The following STAT3 variants were observed in gnomAD, a reference collection of about 807,000 sequenced individuals.
STAT3 encodes the protein DNA-binding protein APRF.
A neutral mutation model predicts 114.3 loss-of-function variants in STAT3; 7 were observed. The observed-to-expected ratio is 0.06, with a 90% CI of 0.03 to 0.11. The LOEUF is 0.11. STAT3 is among the 10% of genes least tolerant of loss of function. The pLI, the probability that STAT3 is intolerant of heterozygous loss-of-function variation, is 1.00. For synonymous variants in STAT3, 331 were observed against 354.5 expected (o/e 0.93, Z 0.74); for missense variants, 364 against 960.9 (o/e 0.38, Z 8.21).
At chr17:42,316,298 C>T (rs541998099) in intron 23 of STAT3, 31 of 345,162 alleles carry the variant, frequency 9.0e-5, no homozygotes, top group Middle Eastern at 2.0e-3. Flanking sequence ...TGCAGTGGCA[C>T]GATCTCTGCT....
intron 15 of STAT3, 165 bp from the exon 16 acceptor site, chr17:42,325,226 T>A (rs1051358166): frequency 7.8e-6 from 5 of 644,230 alleles, no homozygotes; most frequent in African/African-American, 7.3e-5. Context: ...CAGTGAGCAC[T>A]CATAGTGGAA....
chr17:42,323,754 G>C, intron 17 of STAT3, 129 bp from the exon 18 acceptor site: 1 of 873,174 alleles, frequency 1.1e-6, no homozygotes, highest in South Asian at 1.4e-5. Context: ...CATCTTTGAA[G>C]GTAGGCACTG....
At chr17:42,325,249 G>A (rs890931968) in intron 15 of STAT3, 188 bp from the exon 16 acceptor site, 6 of 595,382 alleles carry the variant, frequency 1.0e-5, no homozygotes, top group East Asian at 2.9e-5. Context: ...AATGCCCAGC[G>A]TGGCCACACA....
At chr17:42,360,213 AT>A (rs928900785) in intron 1 of STAT3, among the ~76,000 whole-genome samples, 1 of 151,662 alleles carries the variant, frequency 6.6e-6, no homozygotes, top group African/African-American at 2.4e-5. Flanking sequence ...TTTTTTTTAA[AT>A]TAGAGATGGC....
At chr17:42,316,286 A>G (rs1214564318) in intron 23 of STAT3, 5 of 340,246 alleles carry the variant, frequency 1.5e-5, no homozygotes, top group Non-Finnish European at 2.8e-5. Flanking sequence ...CCCAGGCTGG[A>G]GTGCAGTGGC....
chr17:42,345,809 TC>T (rs1358793076), intron 3 of STAT3, 152 bp from the exon 4 acceptor site: 31 of 776,702 alleles, frequency 4.0e-5, no homozygotes, highest in Non-Finnish European at 2.2e-6. Flanking sequence ...GTGAAGGCTC[TC>T]TGTCGGCGGG....
intron 1 of STAT3, among the ~76,000 whole-genome samples, chr17:42,364,476 G>T (rs1032868520): frequency 6.6e-6 from 1 of 152,152 alleles, no homozygotes; most frequent in African/African-American, 2.4e-5. Flanking sequence ...TTTGGCCAAA[G>T]CTCAAATAAA....
intron 1 of STAT3, among the ~76,000 whole-genome samples, chr17:42,375,143 AAGAGT>A (rs2084381345): frequency 6.6e-6 from 1 of 152,226 alleles, no homozygotes; most frequent in African/African-American, 2.4e-5. Flanking sequence ...GCATACCAAG[AAGAGT>A]AAACAGAATA....
In STAT3 at chr17:42,333,317, C is replaced by T. The variant is rs1429145643; in HGVS notation, c.1049+356G>A. ...ACCTGCCCTGGGGCCTCTCAGCTTC[C>T]CCATCACTAAGCCTTACTCTTTCCC... On this transcript the variant is annotated intron_variant, in intron 10 of 23. Transcript: ENST00000264657. The surrounding 1 kb of genome is among the most constrained non-coding windows in gnomAD (Gnocchi z 5.2). Among the ~76,000 whole-genome samples the T allele has an allele frequency of 6.6e-6, 1 of 152,064 alleles. No homozygotes were observed. The highest frequency in any genetic ancestry group is 1.5e-5 in the Non-Finnish European group (1 of 68,010).
At chr17:42,375,784 G>A (rs923066645) in intron 1 of STAT3, among the ~76,000 whole-genome samples, 11 of 146,844 alleles carry the variant, frequency 7.5e-5, no homozygotes, top group South Asian at 2.2e-4. Context: ...AGCCGAGATC[G>A]CGCCATTGCA....
chr17:42,316,764 C>T (rs2081267906), intron 23 of STAT3, 25 bp downstream of exon 23: 1 of 1,613,738 alleles, frequency 6.2e-7, no homozygotes, highest in Admixed American at 1.7e-5. Flanking sequence ...CTTATAGGGA[C>T]AAAGTCTGTC....
At chr17:42,369,797 T>C (rs1256582335) in intron 1 of STAT3, among the ~76,000 whole-genome samples, 1 of 152,094 alleles carries the variant, frequency 6.6e-6, no homozygotes, top group African/African-American at 2.4e-5. Flanking sequence ...TAGCTAGGAC[T>C]ACAGGTACAT....
chr17:42,354,151 A>G (rs1347673241), intron 1 of STAT3, among the ~76,000 whole-genome samples: 2 of 151,272 alleles, frequency 1.3e-5, no homozygotes, highest in African/African-American at 4.9e-5. Context: ...GAGGGCTAGT[A>G]AGTAGTACAA....
intron 2 of STAT3, among the ~76,000 whole-genome samples, chr17:42,347,553 A>C (rs975953277): frequency 6.6e-6 from 1 of 152,182 alleles, no homozygotes; most frequent in Non-Finnish European, 1.5e-5. Flanking sequence ...TATGAATGGA[A>C]TCTACTTCCC....
chr17:42,386,313 T>C (rs1475277174), intron 1 of STAT3, among the ~76,000 whole-genome samples: 2 of 151,564 alleles, frequency 1.3e-5, no homozygotes, highest in Non-Finnish European at 2.9e-5. Context: ...TCACTGATAC[T>C]TTTCACAAAA....
At chr17:42,384,128 AT>A (rs201020826) in intron 1 of STAT3, among the ~76,000 whole-genome samples, 4 of 86,310 alleles carry the variant, frequency 4.6e-5, no homozygotes, top group Admixed American at 1.6e-4. Flanking sequence ...TTATTTATTT[AT>A]TTATTTTTTT....
At chr17:42,365,254 G>A (rs918146817) in intron 1 of STAT3, among the ~76,000 whole-genome samples, 2 of 152,178 alleles carry the variant, frequency 1.3e-5, no homozygotes, top group South Asian at 2.1e-4. Flanking sequence ...AAGGCAAAAG[G>A]GGAGGCCACA....
chr17:42,318,732 A>G (rs2081348030), intron 21 of STAT3, among the ~76,000 whole-genome samples: 1 of 152,154 alleles, frequency 6.6e-6, no homozygotes, highest in South Asian at 2.1e-4. Flanking sequence ...AACCTGAGGG[A>G]TCAGAGAGCA....
At chr17:42,338,541 G>GACCTGAGGGAATACTCCTT (rs1567722670) in intron 6 of STAT3, among the ~76,000 whole-genome samples, 190 bp downstream of exon 6, 7 of 36,370 alleles carry the variant, frequency 1.9e-4, no homozygotes, top group Admixed American at 4.8e-4. Context: ...GAATACTCCT[G>GACCTGAGGGAATACTCCTT]GACCTGAGGG....
Sources: gnomAD v4.1 joint callset for allele counts (sites outside exome capture counted in the v4.1 genomes callset) on GRCh38, gnomAD v4.1.1 for gene constraint, Gnocchi (gnomAD v3.1) non-coding constraint, MANE v1.5 for transcripts, NCBI Gene and HGNC (gene_info 2026-07-23, HGNC 2026-07-21) for gene names.